EPB41L4A: variants seen among roughly 807,000 people sequenced by gnomAD.
The protein encoded by EPB41L4A is erythrocyte membrane protein band 4.1 like 4A, also known as band 4.1-like protein 4A.
In EPB41L4A, 100 loss-of-function variants were observed where a neutral mutation model predicts 108.6. The observed-to-expected ratio is 0.92, with a 90% CI of 0.78 to 1.09. EPB41L4A has a LOEUF of 1.09. Among genes scored for constraint, EPB41L4A ranks in the 50% least tolerant of loss-of-function variants. The probability of loss-of-function intolerance (pLI) is 0.00; values close to 1 mark genes in which losing one functional copy is unlikely to be tolerated. For synonymous variants in EPB41L4A, 319 were observed against 289.0 expected (o/e 1.10, Z -1.05); for missense variants, 1,030 against 842.7 (o/e 1.22, Z -2.75).
chr5:112,367,521 G>C (rs1340556040), intron 1 of EPB41L4A, among the ~76,000 whole-genome samples: 2 of 152,088 alleles, frequency 1.3e-5, no homozygotes, highest in African/African-American at 4.8e-5. Context: ...TGATGCTCTT[G>C]CCATCTTTAT....
intron 1 of EPB41L4A, among the ~76,000 whole-genome samples, chr5:112,372,297 A>G (rs10478080): frequency 0.021 from 3,224 of 152,218 alleles, 113 homozygotes; most frequent in African/African-American, 0.065. Flanking sequence ...AAACCATCAG[A>G]TTTCATGAAA....
intron 1 of EPB41L4A, among the ~76,000 whole-genome samples, chr5:112,320,114 C>T (rs1755678534): frequency 6.6e-6 from 1 of 152,180 alleles, no homozygotes; most frequent in Non-Finnish European, 1.5e-5. Context: ...CTATTCAAGG[C>T]ACTTGAGAAG....
intron 7 of EPB41L4A, 105 bp from the exon 8 acceptor site, chr5:112,260,084 A>G (rs1000924651): frequency 1.2e-6 from 1 of 840,686 alleles, no homozygotes; most frequent in Admixed American, 2.3e-5. Context: ...TATTGGATTT[A>G]ATTTTTGAAA....
intron 12 of EPB41L4A, among the ~76,000 whole-genome samples, chr5:112,213,137 C>T (rs7722065): frequency 0.33 from 49,617 of 151,916 alleles, 9,146 homozygotes; most frequent in East Asian, 0.55. Context: ...TGTGAGTGCT[C>T]TTTGTCACAA....
intron 1 of EPB41L4A, among the ~76,000 whole-genome samples, chr5:112,350,396 T>C (rs935350150): frequency 6.6e-6 from 1 of 152,188 alleles, no homozygotes; most frequent in Non-Finnish European, 1.5e-5. Context: ...ATGTGCTATT[T>C]TGCAACATGC....
At chr5:112,299,602 T>G (rs1754225106) in intron 2 of EPB41L4A, among the ~76,000 whole-genome samples, 1 of 152,152 alleles carries the variant, frequency 6.6e-6, no homozygotes, top group Non-Finnish European at 1.5e-5. Flanking sequence ...TTCAGGAGTT[T>G]GAGACCAGCC....
At chr5:112,145,719 T>C (rs1449656367) in intron 13 of EPB41L4A, among the ~76,000 whole-genome samples, 1 of 152,162 alleles carries the variant, frequency 6.6e-6, no homozygotes, top group Non-Finnish European at 1.5e-5. Flanking sequence ...TAATTTCACA[T>C]CATCCCAAAT....
At chr5:112,285,496 T>C (rs1753225862) in intron 2 of EPB41L4A, among the ~76,000 whole-genome samples, 1 of 152,162 alleles carries the variant, frequency 6.6e-6, no homozygotes, top group Non-Finnish European at 1.5e-5. Flanking sequence ...CAAGAGGACA[T>C]GGCTTTAATT....
chr5:112,389,343 A>G (rs1760776263), intron 1 of EPB41L4A, among the ~76,000 whole-genome samples: 1 of 152,220 alleles, frequency 6.6e-6, no homozygotes, highest in African/African-American at 2.4e-5. Flanking sequence ...AAGCTCCTAC[A>G]CTAGGCCCCA....
Position 112,332,579 on chromosome 5 carries a change from G to C in EPB41L4A, c.100-25089C>G, listed in dbSNP as rs182498534. Among the ~76,000 whole-genome samples the C allele has an allele frequency of 2.5e-3, 376 of 152,240 alleles. 1 individual carries two copies. Among genetic ancestry groups the C allele is most frequent in the Non-Finnish European group, 3.9e-3 (266 of 68,012 alleles). Reference sequence around the variant, plus strand: ...AGTCAGTCTTCTACTCCCCAACCTGGACAATGATTTTTCATCCCTGATTTT... The same window carrying C: ...AGTCAGTCTTCTACTCCCCAACCTGCACAATGATTTTTCATCCCTGATTTT... On this transcript the variant is annotated intron_variant, in intron 1 of 22. Transcript: ENST00000261486.
At chr5:112,355,245 TC>T (rs1244254951) in intron 1 of EPB41L4A, among the ~76,000 whole-genome samples, 1 of 152,248 alleles carries the variant, frequency 6.6e-6, no homozygotes, top group Non-Finnish European at 1.5e-5. Flanking sequence ...GAAAGCTATT[TC>T]AAAGATAGTT....
chr5:112,163,267 C>A lies in EPB41L4A; in HGVS notation c.*1723G>T, dbSNP rs1561438799. ...AACTGCTAGGTGTCCAGCTTGCACA[C>A]TGATGAGCATAATGACCCTAGATTC... On this transcript the variant is annotated 3_prime_UTR_variant, in exon 23 of 23. Transcript: ENST00000261486. The A allele has an allele frequency of 6.6e-6, 1 of 152,144 alleles. No homozygotes were observed. Among genetic ancestry groups the A allele is most frequent in the African/African-American group, 2.4e-5 (1 of 41,388 alleles). 9.4% of individuals were successfully genotyped at this position (152,144 alleles called of 1,614,324 possible).
In EPB41L4A at chr5:112,269,019, C is replaced by A. The variant is rs114908936; in HGVS notation, c.336-2689G>T. On this transcript the variant is annotated intron_variant, in intron 4 of 22. Transcript: ENST00000261486. ...GAGCTGAAATACAGACAAACACATA[C>A]AAAGAAACAGGAGCCACATCACATT... Among the ~76,000 whole-genome samples, 131 of 151,858 alleles carry A rather than the reference C, an allele frequency of 8.6e-4. 2 individuals carry two copies. Among genetic ancestry groups the A allele is most frequent in the African/African-American group, 3.1e-3 (128 of 41,476 alleles).
intron 1 of EPB41L4A, among the ~76,000 whole-genome samples, chr5:112,369,713 G>A (rs1463820785): frequency 6.6e-6 from 1 of 152,222 alleles, no homozygotes; most frequent in Non-Finnish European, 1.5e-5. Flanking sequence ...AACTTGGTGA[G>A]GGAGGTGGTG....
intron 1 of EPB41L4A, among the ~76,000 whole-genome samples, chr5:112,409,622 C>A: frequency 6.6e-6 from 1 of 152,126 alleles, no homozygotes; most frequent in East Asian, 1.9e-4. Flanking sequence ...CGTAAAGATA[C>A]TTTTTCTTAT....
At chr5:112,226,319 G>A (rs1748448807) in intron 12 of EPB41L4A, among the ~76,000 whole-genome samples, 1 of 152,156 alleles carries the variant, frequency 6.6e-6, no homozygotes, top group African/African-American at 2.4e-5. Context: ...TCAGAGATTG[G>A]GGACTTGCTT....
At chr5:112,193,094 A>G (rs1205211300) in intron 17 of EPB41L4A, among the ~76,000 whole-genome samples, 1 of 152,184 alleles carries the variant, frequency 6.6e-6, no homozygotes, top group Admixed American at 6.5e-5. Context: ...CCATCTGTCT[A>G]GTGTAATTCC....
At chr5:112,400,324 G>T (rs1761659805) in intron 1 of EPB41L4A, among the ~76,000 whole-genome samples, 1 of 151,324 alleles carries the variant, frequency 6.6e-6, no homozygotes, top group Non-Finnish European at 1.5e-5. Context: ...AAAACACGTG[G>T]GGATTACAAT....
intron 1 of EPB41L4A, among the ~76,000 whole-genome samples, chr5:112,330,067 T>C (rs556430504): frequency 9.9e-4 from 150 of 152,108 alleles, no homozygotes; most frequent in Non-Finnish European, 1.2e-3. Flanking sequence ...TTTAAAAGTA[T>C]AAAGTATACT....
Sources: allele counts gnomAD v4.1 joint callset (sites outside exome capture counted in the v4.1 genomes callset), GRCh38; gene constraint gnomAD v4.1.1; transcripts MANE v1.5; gene names NCBI Gene and HGNC (gene_info 2026-07-23, HGNC 2026-07-21).